CACNA1I: variants seen among roughly 807,000 people sequenced by gnomAD.
CACNA1I encodes the protein voltage-dependent T-type calcium channel subunit alpha-1I.
In CACNA1I, 74 loss-of-function variants were observed where a neutral mutation model predicts 201.6. The ratio of observed to expected loss-of-function variants is 0.37; its 90% CI spans 0.30 to 0.45. CACNA1I has a LOEUF of 0.45. Among genes scored for constraint, CACNA1I ranks in the 20% least tolerant of loss-of-function variants. The pLI is 1.00. For synonymous variants in CACNA1I, 1,431 were observed against 1,345.2 expected, an observed-to-expected ratio of 1.06 and a Z score of -1.40; for missense variants, 2,346 against 3,138.1, an observed-to-expected ratio of 0.75 and a Z score of 6.03.
At chr22:39,670,270 T>A (rs1174868854) in intron 25 of CACNA1I, 40 bp downstream of exon 25, 1 of 1,589,382 alleles carries the variant, frequency 6.3e-7, no homozygotes, top group South Asian at 1.1e-5. Flanking sequence ...CACCCAGCTC[T>A]AAGCCCTTCT....
chr22:39,682,124 G>A (rs931673491), intron 34 of CACNA1I, among the ~76,000 whole-genome samples: 2 of 152,146 alleles, frequency 1.3e-5, no homozygotes, highest in African/African-American at 2.4e-5. Context: ...GAAGGTAGGC[G>A]TTACTCTCCT....
rs983687189 is a variant in CACNA1I at position 39,685,850 on chromosome 22, C to A, written c.6117C>A (p.Ser2039Arg). ...CGCTCGAGGACAGCCTGACCCTGAG[C>A]GACAGCCCCCGGCGTGCCCTGGGGC... ...QTTLEDSLTL[S>R]DSPRRALGPP... Residue 2039 changes from serine (S) to arginine (R), a missense_variant, in exon 37 of 37, where the codon AGC (serine) becomes AGA (arginine). Around this residue, in one of 13 missense-constraint regions of CACNA1I, gnomAD observed 441 missense variants for 555.6 expected, o/e 0.79. Coordinates refer to ENST00000402142, the MANE Select transcript of CACNA1I (RefSeq NM_021096.4). The surrounding 1 kb of genome is among the most constrained non-coding windows in gnomAD (Gnocchi z 5.0). 3.4e-6 allele frequency: 5 copies of A among 1,480,312 alleles called. No homozygotes were observed. The Admixed American group carries it at 9.2e-5, about 27-fold the overall frequency. 91.7% of individuals were successfully genotyped at this position (1,480,312 alleles called of 1,614,324 possible). A position where few individuals can be genotyped will look rare whatever the true frequency, so the allele number is the denominator to read the frequency against.
rs1934010577 is a variant in CACNA1I at position 39,629,960 on chromosome 22, A to G, written c.581-4605A>G. On this transcript the variant is annotated intron_variant, in intron 4 of 36. Transcript: ENST00000402142. The surrounding 1 kb of genome is among the most constrained non-coding windows in gnomAD (Gnocchi z 4.8). Reference sequence around the variant, plus strand: ...CTTCTGCTCCATGACCCTTTGGAGAAGCTCAAGTCTTCCAGCCCCCTGGCC... The same window carrying G: ...CTTCTGCTCCATGACCCTTTGGAGAGGCTCAAGTCTTCCAGCCCCCTGGCC... 6.6e-6 allele frequency among the ~76,000 whole-genome samples: 1 copy of G among 152,080 alleles called. No individual in the cohort carries two copies. The highest frequency in any genetic ancestry group is 1.5e-5 in the Non-Finnish European group (1 of 68,014).
chr22:39,599,687 A>AATTTC (rs1932982553), intron 2 of CACNA1I, among the ~76,000 whole-genome samples: 1 of 150,604 alleles, frequency 6.6e-6, no homozygotes, highest in South Asian at 2.1e-4. Context: ...GCTGAAGCAG[A>AATTTC]ATTTCTGGGT....
rs145057249 is a variant in CACNA1I at position 39,659,131 on chromosome 22, C to T, written c.2330+15C>T. The T allele has an allele frequency of 6.2e-7, 1 of 1,611,028 alleles. No individual in the cohort carries two copies. Among genetic ancestry groups the T allele is most frequent in the East Asian group, 2.2e-5 (1 of 44,876 alleles). ...TTCATCTTCAGGTGAGCCTGCCCTG[C>T]TGGGGGCCATACCTCAGCACCTGCT... On this transcript the variant is annotated intron_variant, in intron 12 of 36. Transcript: ENST00000402142. This position sits in a 1 kb window ranked among gnomAD's most constrained non-coding sequence, Gnocchi z 4.3.
At chr22:39,647,024 C>T in intron 8 of CACNA1I, 143 bp downstream of exon 8, 1 of 1,308,910 alleles carries the variant, frequency 7.6e-7, no homozygotes, top group Non-Finnish European at 1.0e-6. Flanking sequence ...CCCCCAGGGA[C>T]CTCTGTCCCC....
chr22:39,640,833 T>G (rs1934333376), intron 5 of CACNA1I, 34 bp from the exon 6 acceptor site: 4 of 1,559,280 alleles, frequency 2.6e-6, no homozygotes, highest in Non-Finnish European at 2.6e-6. Context: ...ACCCCTCCCC[T>G]TTCCCTCTTT....
intron 4 of CACNA1I, among the ~76,000 whole-genome samples, chr22:39,631,885 T>C (rs1934073355): frequency 6.6e-6 from 1 of 152,100 alleles, no homozygotes; most frequent in Non-Finnish European, 1.5e-5. Flanking sequence ...CCCTCTTCCC[T>C]GGCAAGGAAG....
At chr22:39,585,599 G>C (rs908037779) in intron 1 of CACNA1I, among the ~76,000 whole-genome samples, 3 of 149,262 alleles carry the variant, frequency 2.0e-5, no homozygotes, top group African/African-American at 5.0e-5. Flanking sequence ...CGTTGACCAG[G>C]CTGGTCTTGA....
chr22:39,605,053 C>A (rs1297856927), intron 3 of CACNA1I, among the ~76,000 whole-genome samples: 1 of 150,848 alleles, frequency 6.6e-6, no homozygotes, highest in East Asian at 2.0e-4. Flanking sequence ...GCCCAGCCCT[C>A]CGGTCCCCCT....
rs1601481412 is a variant in CACNA1I at position 39,634,453 on chromosome 22, C to T, written c.581-112C>T. The T allele has an allele frequency of 6.0e-6, 6 of 997,274 alleles. No individual in the cohort carries two copies. The East Asian group carries it at 1.4e-4, about 24-fold the overall frequency. The allele number at this position is 997,274 out of a possible 1,614,324, so 61.8% of individuals were successfully genotyped here. A position where few individuals can be genotyped will look rare whatever the true frequency, so the allele number is the denominator to read the frequency against. On this transcript the variant is annotated intron_variant, in intron 4 of 36. Coordinates refer to ENST00000402142, the MANE Select transcript of CACNA1I (RefSeq NM_021096.4). ...AACAGGATGGGAACAGCAAGGAGCC[C>T]CTGATAATGCATCCCCCTCCCCCTC...
chr22:39,670,963 T>G lies in CACNA1I; in HGVS notation c.4539+9T>G. On this transcript the variant is annotated intron_variant, in intron 26 of 36. Coordinates refer to ENST00000402142, the MANE Select transcript of CACNA1I (RefSeq NM_021096.4). ...ACTACAATCAGCCCACGGTGAGCCC[T>G]GGTCTGCCTCCCAGCCCAAGGTTAC... 6.2e-7 allele frequency: 1 copy of G among 1,613,280 alleles called. No individual in the cohort carries two copies. Among genetic ancestry groups the G allele is most frequent in the Non-Finnish European group, 8.5e-7 (1 of 1,179,368 alleles).
In CACNA1I at chr22:39,659,349, T is replaced by C; in HGVS notation, c.2331-84T>C. On this transcript the variant is annotated intron_variant, in intron 12 of 36. Coordinates refer to ENST00000402142, the MANE Select transcript of CACNA1I (RefSeq NM_021096.4). The surrounding 1 kb of genome is among the most constrained non-coding windows in gnomAD (Gnocchi z 4.3). ...CCCCGCCTCCCCCTGCCCTGCATTT[T>C]ACTGAGTTGACTGAGAATGAAACAA... The C allele has an allele frequency of 9.5e-7, 1 of 1,057,908 alleles. No individual in the cohort carries two copies. The highest frequency in any genetic ancestry group is 1.4e-6 in the Non-Finnish European group (1 of 702,306). The allele number at this position is 1,057,908 out of a possible 1,614,324, so 65.5% of individuals were successfully genotyped here.
intron 3 of CACNA1I, among the ~76,000 whole-genome samples, chr22:39,618,623 C>A (rs1933634180): frequency 6.6e-6 from 1 of 151,870 alleles, no homozygotes; most frequent in Non-Finnish European, 1.5e-5. Context: ...GTAGGAAAAG[C>A]CTTCATTTCC....
intron 14 of CACNA1I, 27 bp from the exon 15 acceptor site, chr22:39,660,317 A>C: frequency 6.3e-7 from 1 of 1,586,668 alleles, no homozygotes; most frequent in Non-Finnish European, 8.6e-7. Context: ...ACTGACCTGC[A>C]TTCTAACGTG....
rs3044377 is a variant in CACNA1I at position 39,588,365 on chromosome 22, TTTTC to T, written c.237-9766_237-9763del. ...AAATCCTAATGTGCAGTTCAAGGCG[TTTTC>T]TTTCTTTCTTTCTTTCTTTTTTTTT... On this transcript the variant is annotated intron_variant, in intron 1 of 36. Coordinates refer to ENST00000402142, the MANE Select transcript of CACNA1I (RefSeq NM_021096.4). Among the ~76,000 whole-genome samples, 834 of 132,138 alleles carry T rather than the reference TTTTC, an allele frequency of 6.3e-3. 12 individuals carry two copies. Among genetic ancestry groups the T allele is most frequent in the African/African-American group, 0.02 (699 of 35,668 alleles). The allele number at this position is 132,138 out of a possible 152,430, so 86.7% of individuals were successfully genotyped here.
At chr22:39,613,419 C>A (rs894194272) in intron 3 of CACNA1I, among the ~76,000 whole-genome samples, 1 of 152,166 alleles carries the variant, frequency 6.6e-6, no homozygotes, top group East Asian at 1.9e-4. Flanking sequence ...TGGAGAGGGC[C>A]TCATGTGATT....
chr22:39,641,275 A>C, intron 6 of CACNA1I, 93 bp downstream of exon 6: 1 of 1,085,780 alleles, frequency 9.2e-7, no homozygotes, highest in Admixed American at 2.2e-5. Context: ...GCCAGCCCTC[A>C]TCTCACTGAA....
intron 32 of CACNA1I, 31 bp downstream of exon 32, chr22:39,679,476 G>A (rs1258403948): frequency 1.8e-5 from 25 of 1,360,758 alleles, no homozygotes; most frequent in Middle Eastern, 2.7e-4. Context: ...TGTGAGGGTC[G>A]CCAGAGGGGG....
Sources: allele counts gnomAD v4.1 joint callset (sites outside exome capture counted in the v4.1 genomes callset), GRCh38; gene constraint gnomAD v4.1.1; regional missense constraint gnomAD v4.1.1; non-coding constraint Gnocchi (gnomAD v3.1); transcripts MANE v1.5; gene names NCBI Gene and HGNC (gene_info 2026-07-23, HGNC 2026-07-21).